Variants in PPP4R4 observed in about 807,000 individuals in gnomAD.
PPP4R4 encodes the protein protein phosphatase 4 regulatory subunit 4.
A neutral mutation model predicts 121.8 loss-of-function variants in PPP4R4; 70 were observed. That is an observed-to-expected ratio of 0.57 (90% CI 0.47 to 0.70). The LOEUF is 0.70. Among genes scored for constraint, PPP4R4 ranks in the 30% least tolerant of loss-of-function variants. The probability of loss-of-function intolerance (pLI) is 0.00; values close to 1 mark genes in which losing one functional copy is unlikely to be tolerated. For missense variants in PPP4R4, 875 were observed against 1,033.6 expected, an observed-to-expected ratio of 0.85 and a Z score of 2.10; for synonymous variants, 348 against 355.7, an observed-to-expected ratio of 0.98 and a Z score of 0.24.
chr14:94,252,273 C>T (rs1301394256), intron 16 of PPP4R4, among the ~76,000 whole-genome samples: 2 of 152,072 alleles, frequency 1.3e-5, no homozygotes, highest in Admixed American at 6.5e-5. Flanking sequence ...GGTGAGCATC[C>T]GTTAGTTTCT....
At chr14:94,233,182 A>G (rs1595504398) in intron 5 of PPP4R4, among the ~76,000 whole-genome samples, 1 of 152,332 alleles carries the variant, frequency 6.6e-6, no homozygotes, top group East Asian at 1.9e-4. Flanking sequence ...AGTGTCCAGT[A>G]TATACATAAT....
At position 94,278,770 on chromosome 14, in the gene PPP4R4, G is replaced by C. The variant is rs1700145249; in HGVS notation, c.*127G>C. 11 of 835,542 alleles carry C rather than the reference G, an allele frequency of 1.3e-5. No individual in the cohort carries two copies. Among genetic ancestry groups the C allele is most frequent in the Non-Finnish European group, 1.5e-5 (9 of 583,542 alleles). 51.8% of individuals were successfully genotyped at this position (835,542 alleles called of 1,614,324 possible). ...GGTTTTTTTTTTTGTTGTTGTTAAT[G>C]AGCAGAAAGAGAGACATAATGACAG... is the stretch of plus-strand genomic sequence containing the variant. On this transcript the variant is annotated 3_prime_UTR_variant, in exon 25 of 25. Transcript: ENST00000304338.
intron 11 of PPP4R4, among the ~76,000 whole-genome samples, chr14:94,243,333 A>G (rs1466513898): frequency 6.6e-6 from 1 of 152,006 alleles, no homozygotes; most frequent in Non-Finnish European, 1.5e-5. Flanking sequence ...CACCTGTAGA[A>G]CTCTGCTTTC....
In PPP4R4 at chr14:94,230,654, A is replaced by G; in HGVS notation, c.362A>G (p.Gln121Arg). The G allele has an allele frequency of 6.2e-7, 1 of 1,612,694 alleles. No individual in the cohort carries two copies. Among genetic ancestry groups the G allele is most frequent in the Non-Finnish European group, 8.5e-7 (1 of 1,178,624 alleles). The change falls in exon 4 of 25, where the codon CAG (glutamine) becomes CGG (arginine). Residue 121 changes from glutamine to arginine, a missense_variant. By Grantham distance (43) the Gln-to-Arg change is conservative. Coordinates refer to ENST00000304338, the MANE Select transcript of PPP4R4 (RefSeq NM_058237.2). ...TAAMSFLTIL[Q>R]DESVSIHAYT... is the part of the protein sequence containing the mutation. ...GCGATGTCATTTCTGACCATTCTGCAGGACGAATCAGTGTCAATTCATGCA... is the reference window on the plus strand; with the variant it reads ...GCGATGTCATTTCTGACCATTCTGCGGGACGAATCAGTGTCAATTCATGCA...
chr14:94,275,038 T>C (rs1894558113), intron 23 of PPP4R4, among the ~76,000 whole-genome samples: 2 of 152,168 alleles, frequency 1.3e-5, no homozygotes, highest in Non-Finnish European at 2.9e-5. Context: ...AAAAAGAGTA[T>C]ATGCTGTATG....
chr14:94,182,528 G>A, intron 2 of PPP4R4, among the ~76,000 whole-genome samples: 1 of 152,106 alleles, frequency 6.6e-6, no homozygotes, highest in East Asian at 1.9e-4. Context: ...AGCACTCTGT[G>A]TACCTTTTGT....
chr14:94,208,241 G>C (rs933443521), intron 2 of PPP4R4, among the ~76,000 whole-genome samples: 1 of 151,874 alleles, frequency 6.6e-6, no homozygotes, highest in African/African-American at 2.4e-5. Flanking sequence ...TTCAGCACAA[G>C]CATAATTAAT....
chr14:94,261,198 G>A lies in PPP4R4; in HGVS notation c.2127+1829G>A, dbSNP rs144509852. On this transcript the variant is annotated intron_variant, in intron 19 of 24. Transcript: ENST00000304338. ...GTCTTGATCACTGTAACTTTATAGCGTTCTTGAAATTTGGTAGGATACGTT... is the reference window on the plus strand; with the variant it reads ...GTCTTGATCACTGTAACTTTATAGCATTCTTGAAATTTGGTAGGATACGTT... 2.1e-3 allele frequency among the ~76,000 whole-genome samples: 322 copies of A among 152,100 alleles called. 1 individual carries two copies. Among genetic ancestry groups the A allele is most frequent in the African/African-American group, 7.2e-3 (297 of 41,514 alleles).
At chr14:94,253,459 C>T (rs930115429) in intron 16 of PPP4R4, among the ~76,000 whole-genome samples, 1 of 151,926 alleles carries the variant, frequency 6.6e-6, no homozygotes, top group African/African-American at 2.4e-5. Context: ...GACTTCGTCT[C>T]AAAAAAAGGA....
At position 94,240,785 on chromosome 14, in the gene PPP4R4, T is replaced by C; in HGVS notation, c.966T>C (p.His322=). The change falls in exon 9 of 25, where the codon CAT becomes CAC. Residue 322 remains histidine (H), a synonymous_variant. Transcript: ENST00000304338. ...SLSFHLGKLC[H]GLYGIFTPDQ... is the part of the protein sequence containing the mutation. ...CTTTCCATTTAGGAAAACTATGTCA[T>C]GGACTATATGGTATGATATATCCTA... 2 of 1,595,068 alleles carry C rather than the reference T, an allele frequency of 1.3e-6. No homozygotes were observed. The highest frequency in any genetic ancestry group is 1.7e-6 in the Non-Finnish European group (2 of 1,173,568).
chr14:94,275,130 T>C (rs1894562535), intron 23 of PPP4R4, among the ~76,000 whole-genome samples: 1 of 152,162 alleles, frequency 6.6e-6, no homozygotes, highest in Admixed American at 6.5e-5. Context: ...AGGAGGATTG[T>C]GATGGGGTAT....
At position 94,243,065 on chromosome 14, in the gene PPP4R4, G is replaced by C. The variant is rs74074153; in HGVS notation, c.1266+657G>C. ...TAAGTGGTACAAGTTCTTATTCTCA[G>C]TGAGAATATTTCACCCCCTTCCTTG... On this transcript the variant is annotated intron_variant, in intron 11 of 24. Coordinates refer to ENST00000304338, the MANE Select transcript of PPP4R4 (RefSeq NM_058237.2). Among the ~76,000 whole-genome samples, 464 of 152,218 alleles carry C rather than the reference G, an allele frequency of 3.0e-3. 2 individuals are homozygous for C. The highest frequency in any genetic ancestry group is 0.011 in the African/African-American group (449 of 41,546).
chr14:94,240,675 G>T lies in PPP4R4; in HGVS notation c.856G>T (p.Asp286Tyr). 1 of 1,605,136 alleles carries T rather than the reference G, an allele frequency of 6.2e-7. No homozygotes were observed. Among genetic ancestry groups the T allele is most frequent in the Non-Finnish European group, 8.5e-7 (1 of 1,176,802 alleles). Residue 286 changes from aspartate (D) to tyrosine (Y), a missense_variant and splice_region_variant, in exon 9 of 25, where the codon GAC becomes TAC. Coordinates refer to ENST00000304338, the MANE Select transcript of PPP4R4 (RefSeq NM_058237.2). ...TATTATTTTGTTTTGTTTTCCAGATGACAGAAGTCAAACTATACTTCCCTT... is the reference window on the plus strand; with the variant it reads ...TATTATTTTGTTTTGTTTTCCAGATTACAGAAGTCAAACTATACTTCCCTT... ...VNLLDIFDTDDRSQTILPLVK... is the reference protein window; with the variant it reads ...VNLLDIFDTDYRSQTILPLVK...
Position 94,242,415 on chromosome 14 carries a change from C to A in PPP4R4, c.1266+7C>A. ...TGCTATTTGCTTTTATGAAGTAAGT[C>A]TGAAGACTTGATATCACTTTACGTT... On this transcript the variant is annotated splice_region_variant and intron_variant, in intron 11 of 24. Transcript: ENST00000304338. The A allele has an allele frequency of 1.9e-6, 3 of 1,606,064 alleles. No individual in the cohort carries two copies. The South Asian group carries it at 3.3e-5, about 18-fold the overall frequency.
intron 2 of PPP4R4, among the ~76,000 whole-genome samples, chr14:94,179,040 A>G (rs1888831021): frequency 6.6e-6 from 1 of 152,248 alleles, no homozygotes; most frequent in African/African-American, 2.4e-5. Context: ...ATGTCCCACC[A>G]GTCCCTCACT....
chr14:94,258,971 A>G, intron 18 of PPP4R4, 147 bp downstream of exon 18: 1 of 801,710 alleles, frequency 1.2e-6, no homozygotes, highest in Non-Finnish European at 2.0e-6. Context: ...ATCGTGACAG[A>G]AGGCAAGGAG....
intron 9 of PPP4R4, among the ~76,000 whole-genome samples, chr14:94,241,239 G>C (rs1892618877): frequency 6.6e-6 from 1 of 152,090 alleles, no homozygotes; most frequent in Non-Finnish European, 1.5e-5. Flanking sequence ...CCGTATCGAT[G>C]TGAGATAGAC....
chr14:94,237,218 A>T (rs931403598), intron 7 of PPP4R4, among the ~76,000 whole-genome samples: 8 of 152,132 alleles, frequency 5.3e-5, no homozygotes, highest in African/African-American at 1.7e-4. Context: ...GTTACTACTG[A>T]TAAGTTTTTC....
chr14:94,205,256 A>G lies in PPP4R4; in HGVS notation c.192-3208A>G, dbSNP rs528427245. 1.2e-4 allele frequency among the ~76,000 whole-genome samples: 19 copies of G among 152,246 alleles called. No homozygotes were observed. The East Asian group carries it at 3.1e-3, about 25-fold the overall frequency. ...TAGGAGCATTCAGATTATCTCTTTCATATTGGATAAGTTGTGACTATGTTT... is the reference window on the plus strand; with the variant it reads ...TAGGAGCATTCAGATTATCTCTTTCGTATTGGATAAGTTGTGACTATGTTT... On this transcript the variant is annotated intron_variant, in intron 2 of 24. Transcript: ENST00000304338.
Sources: allele counts gnomAD v4.1 joint callset (sites outside exome capture counted in the v4.1 genomes callset), GRCh38; gene constraint gnomAD v4.1.1; transcripts MANE v1.5; gene names NCBI Gene and HGNC (gene_info 2026-07-23, HGNC 2026-07-21).